The following SSX2IP variants were observed in gnomAD, a reference collection of about 807,000 sequenced individuals.
SSX2IP encodes SSX family member 2 interacting protein.
In SSX2IP, 55 loss-of-function variants were observed where a neutral mutation model predicts 84.9. That is an observed-to-expected ratio of 0.65 (90% CI 0.52 to 0.81). SSX2IP has a LOEUF of 0.81. Among genes scored for constraint, SSX2IP ranks in the 30% least tolerant of loss-of-function variants. The pLI is 0.00. For synonymous variants in SSX2IP, 239 were observed against 234.7 expected (o/e 1.02, Z -0.17); for missense variants, 664 against 705.2 (o/e 0.94, Z 0.66).
At chr1:84,652,090 T>G (rs1043551781) in intron 11 of SSX2IP, 93 bp from the exon 12 acceptor site, 2 of 897,754 alleles carry the variant, frequency 2.2e-6, no homozygotes, top group African/African-American at 1.7e-5. Flanking sequence ...TTGTTTGCTC[T>G]CTGGCTATCT....
At chr1:84,687,457 T>C (rs1655954009) in intron 1 of SSX2IP, among the ~76,000 whole-genome samples, 1 of 152,212 alleles carries the variant, frequency 6.6e-6, no homozygotes, top group East Asian at 1.9e-4. Context: ...ACTGTGTTAT[T>C]TCTCCTACTG....
At chr1:84,650,560 A>T in intron 12 of SSX2IP, 33 bp from the exon 13 acceptor site, 1 of 1,611,442 alleles carries the variant, frequency 6.2e-7, no homozygotes, top group Non-Finnish European at 8.5e-7. Flanking sequence ...AAAAGGCAGT[A>T]CATATGGTGA....
intron 1 of SSX2IP, among the ~76,000 whole-genome samples, chr1:84,678,183 G>C (rs1654626176): frequency 6.6e-6 from 1 of 152,102 alleles, no homozygotes; most frequent in Non-Finnish European, 1.5e-5. Flanking sequence ...TCATTCTATA[G>C]TATTATGGTT....
At chr1:84,665,355 T>C (rs1342087564) in intron 5 of SSX2IP, among the ~76,000 whole-genome samples, 2 of 152,126 alleles carry the variant, frequency 1.3e-5, no homozygotes, top group Non-Finnish European at 2.9e-5. Flanking sequence ...TAAACAAATA[T>C]GGTAAAACAA....
At chr1:84,653,495 A>G (rs1373481075) in intron 11 of SSX2IP, among the ~76,000 whole-genome samples, 3 of 152,182 alleles carry the variant, frequency 2.0e-5, no homozygotes, top group Admixed American at 6.5e-5. Context: ...GACCAGACGG[A>G]GAAAAATTCT....
chr1:84,657,217 A>C (rs1651247037), intron 9 of SSX2IP, among the ~76,000 whole-genome samples: 1 of 152,166 alleles, frequency 6.6e-6, no homozygotes, highest in Non-Finnish European at 1.5e-5. Flanking sequence ...ATATTCATCA[A>C]TGTAGAGCTA....
intron 8 of SSX2IP, among the ~76,000 whole-genome samples, chr1:84,661,485 G>C (rs1398626133): frequency 6.6e-6 from 1 of 151,306 alleles, no homozygotes; most frequent in Non-Finnish European, 1.5e-5. Flanking sequence ...GTGATGCCTT[G>C]ATTGCCATAA....
chr1:84,680,077 A>T (rs1654872210), intron 1 of SSX2IP, among the ~76,000 whole-genome samples: 1 of 152,202 alleles, frequency 6.6e-6, no homozygotes, highest in South Asian at 2.1e-4. Flanking sequence ...AGACTGCATA[A>T]AATAGTGTGA....
At chr1:84,655,635 A>G in intron 11 of SSX2IP, 197 bp downstream of exon 11, 1 of 1,515,104 alleles carries the variant, frequency 6.6e-7, no homozygotes, top group Non-Finnish European at 8.8e-7. Context: ...TCTTAAGTTC[A>G]ATTCTCAAAT....
At chr1:84,657,494 A>T (rs1433549669) in intron 9 of SSX2IP, among the ~76,000 whole-genome samples, 1 of 152,216 alleles carries the variant, frequency 6.6e-6, no homozygotes, top group Non-Finnish European at 1.5e-5. Flanking sequence ...GTAATCTGCA[A>T]GCATCTAGAA....
At chr1:84,680,680 T>C (rs987909101) in intron 1 of SSX2IP, among the ~76,000 whole-genome samples, 1 of 152,090 alleles carries the variant, frequency 6.6e-6, no homozygotes, top group Non-Finnish European at 1.5e-5. Context: ...AGTAGATATG[T>C]ACAGGCATAA....
chr1:84,647,406 T>A lies in SSX2IP; in HGVS notation c.*27A>T. Reference sequence around the variant, plus strand: ...TAGATGTGAAACTTGATGAACACATTAATGAAAAAAATTCCAGTCCACATG... The same window carrying A: ...TAGATGTGAAACTTGATGAACACATAAATGAAAAAAATTCCAGTCCACATG... On this transcript the variant is annotated 3_prime_UTR_variant, in exon 14 of 14. Coordinates refer to ENST00000342203, the MANE Select transcript of SSX2IP (RefSeq NM_001166293.2). 6.5e-7 allele frequency: 1 copy of A among 1,536,956 alleles called. No homozygotes were observed. The highest frequency in any genetic ancestry group is 1.3e-5 in the South Asian group (1 of 78,090).
intron 9 of SSX2IP, among the ~76,000 whole-genome samples, chr1:84,657,999 A>G (rs1651376585): frequency 6.6e-6 from 1 of 152,048 alleles, no homozygotes; most frequent in African/African-American, 2.4e-5. Context: ...TTAGCTGGCT[A>G]TGATGTGCGC....
intron 5 of SSX2IP, among the ~76,000 whole-genome samples, 195 bp from the exon 6 acceptor site, chr1:84,664,747 G>T (rs981057186): frequency 1.3e-5 from 2 of 151,802 alleles, no homozygotes; most frequent in Admixed American, 6.6e-5. Flanking sequence ...TTCCAGAAGC[G>T]CTAATTTTCT....
chr1:84,656,499 G>T lies in SSX2IP; in HGVS notation c.1079-15C>A. 1.2e-6 allele frequency: 2 copies of T among 1,608,092 alleles called. No homozygotes were observed. The highest frequency in any genetic ancestry group is 1.3e-5 in the African/African-American group (1 of 74,826). On this transcript the variant is annotated splice_polypyrimidine_tract_variant and intron_variant, in intron 9 of 13. Coordinates refer to ENST00000342203, the MANE Select transcript of SSX2IP (RefSeq NM_001166293.2). ...TACCTTTGAAACTAAGACAAAATCA[G>T]TAAGTTGACATAGGTCTTATAGCCA... is the stretch of plus-strand genomic sequence containing the variant.
At position 84,658,412 on chromosome 1, in the gene SSX2IP, G is replaced by A. The variant is rs993793697; in HGVS notation, c.984C>T (p.Asp328=). Residue 328 remains aspartate, a synonymous_variant, in exon 9 of 14, where the codon GAC becomes GAT. Transcript: ENST00000342203. ...AGELSRESMW[D]LSCETVREQL... is the part of the protein sequence containing the mutation. ...GCTCTCTCACAGTTTCACAGGAAAG[G>A]TCCCACATACTCTCTCTGCTTAGTT... is the stretch of plus-strand genomic sequence containing the variant. The A allele has an allele frequency of 4.3e-6, 7 of 1,614,094 alleles. No individual in the cohort carries two copies. Among genetic ancestry groups the A allele is most frequent in the Non-Finnish European group, 5.9e-6 (7 of 1,180,006 alleles).
intron 1 of SSX2IP, among the ~76,000 whole-genome samples, chr1:84,673,768 G>A (rs367563905): frequency 6.6e-6 from 1 of 152,090 alleles, no homozygotes; most frequent in Admixed American, 6.6e-5. Flanking sequence ...AAGAAATCAA[G>A]GATGATTTCT....
chr1:84,664,600 T>C, intron 5 of SSX2IP, 48 bp from the exon 6 acceptor site: 1 of 1,466,692 alleles, frequency 6.8e-7, no homozygotes, highest in Non-Finnish European at 9.0e-7. Flanking sequence ...TTCACAAATT[T>C]GAAAGAGAAA....
rs535903038 is a variant in SSX2IP, at chr1:84,677,834, A to C, written c.-89-6526T>G. ...TTAGAACTAGATTTTACCTCATTCA[A>C]ACCCTGAGATGACTGCAGCCCTGTC... On this transcript the variant is annotated intron_variant, in intron 1 of 13. Transcript: ENST00000342203. Among the ~76,000 whole-genome samples the C allele has an allele frequency of 5.3e-5, 8 of 152,244 alleles. No homozygotes were observed. In the South Asian group the frequency reaches 1.7e-3, roughly 32 times the overall value.
Sources: allele counts gnomAD v4.1 joint callset (sites outside exome capture counted in the v4.1 genomes callset), GRCh38; gene constraint gnomAD v4.1.1; transcripts MANE v1.5; gene names NCBI Gene and HGNC (gene_info 2026-07-23, HGNC 2026-07-21).